PSME4: variants seen among roughly 807,000 people sequenced by gnomAD.
The protein encoded by PSME4 is proteasome activator complex subunit 4.
In PSME4, 89 loss-of-function variants were observed where a neutral mutation model predicts 253.9. The observed-to-expected ratio is 0.35, with a 90% CI of 0.30 to 0.42. The LOEUF (loss-of-function observed/expected upper bound fraction) is 0.42. Among genes scored for constraint, PSME4 ranks in the 10% least tolerant of loss-of-function variants. The pLI is 1.00. For synonymous variants in PSME4, 851 were observed against 759.2 expected (o/e 1.12, Z -1.99); for missense variants, 2,014 against 2,195.2 (o/e 0.92, Z 1.65).
chr2:53,884,855 T>TAA (rs2104421422), intron 41 of PSME4, among the ~76,000 whole-genome samples: 1 of 152,322 alleles, frequency 6.6e-6, no homozygotes, highest in South Asian at 2.1e-4. Context: ...ATAGCATTCT[T>TAA]AAAAGTATTT....
At chr2:53,905,718 A>G (rs2104439238) in intron 26 of PSME4, among the ~76,000 whole-genome samples, 1 of 152,256 alleles carries the variant, frequency 6.6e-6, no homozygotes, top group East Asian at 1.9e-4. Flanking sequence ...AGGTGAGACA[A>G]TCGCTTGAGC....
At chr2:53,905,744 G>C (rs1244415115) in intron 26 of PSME4, among the ~76,000 whole-genome samples, 1 of 152,150 alleles carries the variant, frequency 6.6e-6, no homozygotes, top group Non-Finnish European at 1.5e-5. Context: ...CTCAAGGCTT[G>C]AGTTCAAGGC....
At position 53,928,308 on chromosome 2, in the gene PSME4, A is replaced by G. The variant is rs1395972422; in HGVS notation, c.1317-5T>C. 6.2e-7 allele frequency: 1 copy of G among 1,612,066 alleles called. No individual in the cohort carries two copies. The highest frequency in any genetic ancestry group is 2.2e-5 in the East Asian group (1 of 44,872). ...GTCTCTAATGCAGGATATGTTCTAC[A>G]GTTTGAAAACAGAATTTTTAAAGTC... is the stretch of plus-strand genomic sequence containing the variant. On this transcript the variant is annotated splice_region_variant and splice_polypyrimidine_tract_variant and intron_variant, in intron 10 of 46. Transcript: ENST00000404125.
At chr2:53,879,338 C>T (rs1450141408) in intron 41 of PSME4, among the ~76,000 whole-genome samples, 1 of 152,040 alleles carries the variant, frequency 6.6e-6, no homozygotes, top group Non-Finnish European at 1.5e-5. Context: ...GTTTAGATAT[C>T]CTATCGTATG....
At chr2:53,961,540 T>G (rs1376932875) in intron 1 of PSME4, among the ~76,000 whole-genome samples, 2 of 152,086 alleles carry the variant, frequency 1.3e-5, no homozygotes, top group East Asian at 3.9e-4. Flanking sequence ...TAGCTGGGTG[T>G]GCTGATACAT....
At chr2:53,885,556 C>T in intron 41 of PSME4, 134 bp downstream of exon 41, 1 of 593,324 alleles carries the variant, frequency 1.7e-6, no homozygotes, top group Non-Finnish European at 3.0e-6. Flanking sequence ...TAATGATTTT[C>T]CTGTGACCAT....
intron 4 of PSME4, among the ~76,000 whole-genome samples, 172 bp downstream of exon 4, chr2:53,939,784 A>G (rs1669299403): frequency 2.0e-5 from 3 of 152,226 alleles, no homozygotes. Flanking sequence ...AAATTTCTAA[A>G]TGAAATCTGA....
intron 40 of PSME4, 139 bp downstream of exon 40, chr2:53,887,120 C>G (rs1209153138): frequency 4.2e-6 from 3 of 709,066 alleles, no homozygotes; most frequent in African/African-American, 1.8e-5. Flanking sequence ...TGCCACTGAA[C>G]TGTACACTTA....
chr2:53,885,694 A>G lies in PSME4; in HGVS notation c.4811T>C (p.Phe1604Ser). 1 of 1,609,056 alleles carries G rather than the reference A, an allele frequency of 6.2e-7. No homozygotes were observed. Among genetic ancestry groups the G allele is most frequent in the Non-Finnish European group, 8.5e-7 (1 of 1,175,764 alleles). Residue 1604 changes from phenylalanine (F) to serine (S), a missense_variant, in exon 41 of 47, where the codon TTC becomes TCC. By Grantham distance (155) the Phe-to-Ser change is radical. Coordinates refer to ENST00000404125, the MANE Select transcript of PSME4 (RefSeq NM_014614.3). ...TTAATTTCAGCAAAACCTTACCTTG[A>G]AAAACAAAGGTAGAAGCTGAAGTTG... Reference protein sequence around the residue: ...TEQLQLLPLFFKIAPVENDNS... With the variant: ...TEQLQLLPLFSKIAPVENDNS...
intron 20 of PSME4, among the ~76,000 whole-genome samples, chr2:53,910,868 T>G (rs1363930130): frequency 2.0e-5 from 3 of 152,228 alleles, no homozygotes; most frequent in Non-Finnish European, 4.4e-5. Flanking sequence ...AAATATGAGA[T>G]TTAATTCAAA....
rs570516528 is a variant in PSME4, at chr2:53,923,609, G to A, written c.1810-190C>T. 2.0e-4 allele frequency among the ~76,000 whole-genome samples: 30 copies of A among 152,166 alleles called. No individual in the cohort carries two copies. The South Asian group carries it at 3.7e-3, about 19-fold the overall frequency. ...AGGTCTAAGAACAATCTTTGCCCAC[G>A]ATCCTAACTTGAACAAAATATTTTA... On this transcript the variant is annotated intron_variant, in intron 14 of 46. Transcript: ENST00000404125.
intron 46 of PSME4, 129 bp downstream of exon 46, chr2:53,865,956 C>A: frequency 9.8e-7 from 1 of 1,019,846 alleles, no homozygotes; most frequent in Non-Finnish European, 1.4e-6. Context: ...TGTTTAAAAA[C>A]AAACAATCCC....
In PSME4 at chr2:53,969,687, G is replaced by T. The variant is rs1282487404; in HGVS notation, c.242+856C>A. On this transcript the variant is annotated intron_variant, in intron 1 of 46. Coordinates refer to ENST00000404125, the MANE Select transcript of PSME4 (RefSeq NM_014614.3). ...TTTTTCCCCCACTGTATTTTCACTCGTTTTTTTTTTTTTTTTCCTAATTTC... is the reference window on the plus strand; with the variant it reads ...TTTTTCCCCCACTGTATTTTCACTCTTTTTTTTTTTTTTTTTCCTAATTTC... Among the ~76,000 whole-genome samples, 13 of 138,964 alleles carry T rather than the reference G, an allele frequency of 9.4e-5. No homozygotes were observed. In the South Asian group the frequency reaches 1.6e-3, roughly 17 times the overall value. 91.2% of individuals were successfully genotyped at this position (138,964 alleles called of 152,430 possible).
At chr2:53,934,991 T>C (rs1669037328) in intron 7 of PSME4, among the ~76,000 whole-genome samples, 1 of 152,194 alleles carries the variant, frequency 6.6e-6, no homozygotes, top group Non-Finnish European at 1.5e-5. Flanking sequence ...CAGACAAATG[T>C]GATTATTTAT....
At chr2:53,900,126 C>A in intron 28 of PSME4, 109 bp from the exon 29 acceptor site, 1 of 1,006,804 alleles carries the variant, frequency 9.9e-7, no homozygotes, top group Non-Finnish European at 1.4e-6. Flanking sequence ...CAAAAGTCCA[C>A]ATATTTTACG....
intron 24 of PSME4, 45 bp downstream of exon 24, chr2:53,908,275 C>T (rs371527985): frequency 4.6e-5 from 67 of 1,466,554 alleles, no homozygotes; most frequent in South Asian, 4.2e-4. Context: ...GGTTATTATA[C>T]GACTTTAAAA....
In PSME4 at chr2:53,922,969, T is replaced by C. The variant is rs72799263; in HGVS notation, c.1978+80A>G. The C allele has an allele frequency of 4.1e-3, 4,673 of 1,132,430 alleles. 16 individuals carry two copies. The highest frequency in any genetic ancestry group is 5.2e-3 in the Non-Finnish European group (4,252 of 816,712). The allele number at this position is 1,132,430 out of a possible 1,614,324, so 70.1% of individuals were successfully genotyped here. On this transcript the variant is annotated intron_variant, in intron 16 of 46. Coordinates refer to ENST00000404125, the MANE Select transcript of PSME4 (RefSeq NM_014614.3). Reference sequence around the variant, plus strand: ...AATATTGTGAAGCTAAAGGAATCTGTTGTCATTAACAGAGTTTTAGAAACC... The same window carrying C: ...AATATTGTGAAGCTAAAGGAATCTGCTGTCATTAACAGAGTTTTAGAAACC...
chr2:53,929,165 C>A (rs1035117712), intron 10 of PSME4, among the ~76,000 whole-genome samples: 1 of 150,280 alleles, frequency 6.7e-6, no homozygotes, highest in African/African-American at 2.4e-5. Context: ...GACTCTGTCT[C>A]AAAAAAAAAC....
intron 6 of PSME4, 130 bp from the exon 7 acceptor site, chr2:53,936,291 C>T (rs1669113007): frequency 3.8e-6 from 5 of 1,300,178 alleles, no homozygotes; most frequent in Middle Eastern, 5.7e-4. Context: ...TAGTTTATGA[C>T]TTTGTTTTTT....
Sources: allele counts gnomAD v4.1 joint callset (sites outside exome capture counted in the v4.1 genomes callset), GRCh38; gene constraint gnomAD v4.1.1; transcripts MANE v1.5; gene names NCBI Gene and HGNC (gene_info 2026-07-23, HGNC 2026-07-21).